The following TBC1D31 variants were observed in gnomAD, a reference collection of about 807,000 sequenced individuals.
The protein encoded by TBC1D31 is WD repeat domain 67.
TBC1D31 carries 99 observed loss-of-function variants against 132.9 expected under a neutral mutation model. That is an observed-to-expected ratio of 0.74 (90% confidence interval 0.63 to 0.88). TBC1D31 has a LOEUF of 0.88. Ranked by LOEUF, TBC1D31 falls within the 40% of genes least tolerant of loss-of-function variation. The pLI is 0.00. For missense variants in TBC1D31, 1,134 were observed against 1,256.6 expected (o/e 0.90, Z 1.48); for synonymous variants, 385 against 419.4 (o/e 0.92, Z 1.00).
intron 5 of TBC1D31, among the ~76,000 whole-genome samples, chr8:123,095,734 A>G (rs544935062): frequency 1.8e-4 from 28 of 152,296 alleles, no homozygotes; most frequent in African/African-American, 6.5e-4. Flanking sequence ...AGATGTTCCA[A>G]GCTTATCTTG....
chr8:123,090,491 CT>C (rs1347773024), intron 4 of TBC1D31, among the ~76,000 whole-genome samples: 2 of 152,128 alleles, frequency 1.3e-5, no homozygotes, highest in East Asian at 3.8e-4. Flanking sequence ...TCAGAAAAGG[CT>C]TTGTGATGGA....
intron 17 of TBC1D31, among the ~76,000 whole-genome samples, chr8:123,135,937 GTC>G (rs1179693611): frequency 6.6e-6 from 1 of 152,204 alleles, no homozygotes; most frequent in Non-Finnish European, 1.5e-5. Context: ...CCAGATATTT[GTC>G]TCTCAGATTT....
At chr8:123,146,414 T>C (rs1209653145) in intron 20 of TBC1D31, among the ~76,000 whole-genome samples, 1 of 152,238 alleles carries the variant, frequency 6.6e-6, no homozygotes, top group Non-Finnish European at 1.5e-5. Flanking sequence ...AATATAATCA[T>C]GTAATATATG....
At chr8:123,124,985 T>G (rs998342380) in intron 11 of TBC1D31, among the ~76,000 whole-genome samples, 1 of 152,064 alleles carries the variant, frequency 6.6e-6, no homozygotes, top group Non-Finnish European at 1.5e-5. Context: ...TTGAAATATT[T>G]TTTAAAGCTC....
At chr8:123,085,256 T>C (rs1314129380) in intron 4 of TBC1D31, among the ~76,000 whole-genome samples, 1 of 152,228 alleles carries the variant, frequency 6.6e-6, no homozygotes, top group Admixed American at 6.5e-5. Flanking sequence ...TACACACACC[T>C]GTGTAACCTA....
chr8:123,162,452 C>T, the TBC1D31 span, among the ~76,000 whole-genome samples: 1 of 152,088 alleles, frequency 6.6e-6, no homozygotes, highest in Non-Finnish European at 1.5e-5. Context: ...CACACCCAGG[C>T]AACCATCCAG....
chr8:123,108,679 A>T (rs892049478), intron 8 of TBC1D31, among the ~76,000 whole-genome samples: 1 of 152,180 alleles, frequency 6.6e-6, no homozygotes, highest in East Asian at 1.9e-4. Context: ...TAAAATATTT[A>T]CTAACTGGCC....
intron 10 of TBC1D31, among the ~76,000 whole-genome samples, chr8:123,112,724 A>G (rs1179605714): frequency 1.3e-5 from 2 of 152,232 alleles, no homozygotes; most frequent in African/African-American, 4.8e-5. Context: ...TTTGGAATAG[A>G]TTCATAAATG....
At chr8:123,087,489 A>G (rs1331812851) in intron 4 of TBC1D31, among the ~76,000 whole-genome samples, 1 of 152,232 alleles carries the variant, frequency 6.6e-6, no homozygotes, top group Non-Finnish European at 1.5e-5. Flanking sequence ...GTGCCAGCTT[A>G]TTCATTAGGG....
the TBC1D31 span, among the ~76,000 whole-genome samples, chr8:123,158,965 C>T: frequency 3.9e-5 from 6 of 152,160 alleles, no homozygotes; most frequent in African/African-American, 1.4e-4. Flanking sequence ...CTCTGCCAGC[C>T]TCGGGAAGCG....
At chr8:123,075,189 A>G (rs1482813289) in intron 1 of TBC1D31, among the ~76,000 whole-genome samples, 1 of 152,216 alleles carries the variant, frequency 6.6e-6, no homozygotes, top group East Asian at 1.9e-4. Context: ...AGTTGCCATG[A>G]AACATTTTGA....
At chr8:123,093,402 G>GTTT (rs774641911) in intron 4 of TBC1D31, among the ~76,000 whole-genome samples, 189 bp from the exon 5 acceptor site, 11 of 146,668 alleles carry the variant, frequency 7.5e-5, no homozygotes, top group Admixed American at 2.7e-4. Flanking sequence ...CGTTTGAAGG[G>GTTT]TTTTTTTTTT....
intron 13 of TBC1D31, among the ~76,000 whole-genome samples, chr8:123,127,153 C>A (rs1483264422): frequency 6.6e-6 from 1 of 151,818 alleles, no homozygotes; most frequent in African/African-American, 2.4e-5. Context: ...ACATCCCTAC[C>A]TGTGTACAGT....
At position 123,073,807 on chromosome 8, in the gene TBC1D31, T is replaced by A. The variant is rs550320044; in HGVS notation, c.77+961T>A. 5.8e-3 allele frequency among the ~76,000 whole-genome samples: 878 copies of A among 151,828 alleles called. 5 individuals are homozygous for A. The highest frequency in any genetic ancestry group is 0.02 in the African/African-American group (836 of 41,382). ...TTAAAGCGATTCTCTTGCCTCAGCC[T>A]CCTAAGTAGCTGGGATTACTGGCGC... On this transcript the variant is annotated intron_variant, in intron 1 of 21. Transcript: ENST00000287380.
intron 17 of TBC1D31, among the ~76,000 whole-genome samples, chr8:123,139,359 G>T (rs1464141858): frequency 6.6e-6 from 1 of 152,098 alleles, no homozygotes; most frequent in African/African-American, 2.4e-5. Context: ...CCTCCCCAGG[G>T]TTTCTTCTTG....
intron 2 of TBC1D31, among the ~76,000 whole-genome samples, chr8:123,080,724 A>G (rs1030109147): frequency 1.3e-5 from 2 of 151,796 alleles, no homozygotes; most frequent in Non-Finnish European, 2.9e-5. Flanking sequence ...TTTAGTAGAG[A>G]CAGGGTTTCA....
chr8:123,150,156 T>C, intron 21 of TBC1D31, 28 bp downstream of exon 21: 1 of 1,548,386 alleles, frequency 6.5e-7, no homozygotes, highest in African/African-American at 1.4e-5. Context: ...AAAATGTTAT[T>C]CTGCCATTTT....
chr8:123,073,611 C>G (rs1425390042), intron 1 of TBC1D31, among the ~76,000 whole-genome samples: 2 of 152,174 alleles, frequency 1.3e-5, no homozygotes, highest in Non-Finnish European at 2.9e-5. Flanking sequence ...GCAGAGTGAT[C>G]TTATTGCTCC....
intron 10 of TBC1D31, among the ~76,000 whole-genome samples, chr8:123,117,393 A>C (rs1819022156): frequency 6.6e-6 from 1 of 152,160 alleles, no homozygotes. Flanking sequence ...TTAATGGCAA[A>C]TGGAAAAATA....
Sources: gnomAD v4.1 joint callset for allele counts (sites outside exome capture counted in the v4.1 genomes callset) on GRCh38, gnomAD v4.1.1 for gene constraint, MANE v1.5 for transcripts, NCBI Gene and HGNC (gene_info 2026-07-23, HGNC 2026-07-21) for gene names.